Variants in GRM8 observed in about 807,000 individuals in gnomAD.
GRM8 encodes metabotropic glutamate receptor 8.
Under a neutral mutation model 87.2 loss-of-function variants are expected in GRM8, and 47 were observed. The observed-to-expected ratio is 0.54, with a 90% CI of 0.43 to 0.69. The LOEUF (loss-of-function observed/expected upper bound fraction) is 0.69, where lower values mean the gene tolerates loss of function less well. Ranked by LOEUF, GRM8 falls within the 30% of genes least tolerant of loss-of-function variation. GRM8 has a pLI of 0.00. For synonymous variants in GRM8, 396 were observed against 404.5 expected, an observed-to-expected ratio of 0.98 and a Z score of 0.25; for missense variants, 1,019 against 1,139.2, an observed-to-expected ratio of 0.89 and a Z score of 1.52.
chr7:127,097,538 C>G (rs557029439), intron 3 of GRM8, among the ~76,000 whole-genome samples: 1 of 152,284 alleles, frequency 6.6e-6, no homozygotes, highest in Admixed American at 6.5e-5. Flanking sequence ...TCCTGCACAC[C>G]AGGCAACATA....
At chr7:126,964,756 C>A (rs1046190768) in intron 3 of GRM8, among the ~76,000 whole-genome samples, 8 of 152,164 alleles carry the variant, frequency 5.3e-5, no homozygotes, top group Non-Finnish European at 1.2e-4. Context: ...TGTGGCAATT[C>A]CTCAAGGATC....
chr7:127,130,739 T>C (rs915849707), intron 2 of GRM8, among the ~76,000 whole-genome samples: 2 of 151,804 alleles, frequency 1.3e-5, no homozygotes, highest in Non-Finnish European at 2.9e-5. Context: ...TCCCCAAGAG[T>C]GAGGGAGGGA....
chr7:126,921,280 A>G (rs1330557178), intron 3 of GRM8, among the ~76,000 whole-genome samples: 2 of 152,176 alleles, frequency 1.3e-5, no homozygotes, highest in Non-Finnish European at 2.9e-5. Flanking sequence ...AAATATCTCA[A>G]TAGATAAGGT....
intron 9 of GRM8, among the ~76,000 whole-genome samples, chr7:126,482,187 T>C (rs1171200805): frequency 2.0e-5 from 3 of 152,046 alleles, no homozygotes; most frequent in African/African-American, 7.2e-5. Flanking sequence ...TTGGAATCTC[T>C]GTGCCCTGTT....
At chr7:126,597,161 G>A (rs754001551) in intron 8 of GRM8, among the ~76,000 whole-genome samples, 203 of 151,986 alleles carry the variant, frequency 1.3e-3, no homozygotes, top group Non-Finnish European at 1.0e-3. Context: ...AACATACTAC[G>A]GGGAGTTTAG....
At chr7:126,484,882 G>GTTT in intron 9 of GRM8, among the ~76,000 whole-genome samples, 2 of 146,314 alleles carry the variant, frequency 1.4e-5, no homozygotes, top group African/African-American at 5.0e-5. Context: ...AACGTTTTTT[G>GTTT]TTTTTTTTTT....
chr7:127,164,162 G>T (rs886486659), intron 2 of GRM8, among the ~76,000 whole-genome samples: 2 of 152,058 alleles, frequency 1.3e-5, no homozygotes, highest in Non-Finnish European at 2.9e-5. Context: ...TCTTGCTCCT[G>T]CTCTGGCCAT....
chr7:127,145,780 T>C (rs1278600084), intron 2 of GRM8, among the ~76,000 whole-genome samples: 1 of 152,064 alleles, frequency 6.6e-6, no homozygotes, highest in African/African-American at 2.4e-5. Context: ...GATTACTGGA[T>C]TTAGCAAAAC....
chr7:127,071,086 T>C (rs1359145291), intron 3 of GRM8, among the ~76,000 whole-genome samples: 1 of 152,136 alleles, frequency 6.6e-6, no homozygotes, highest in Non-Finnish European at 1.5e-5. Context: ...TTCCAGATCA[T>C]CCTTACTATT....
intron 7 of GRM8, among the ~76,000 whole-genome samples, chr7:126,662,141 T>TC (rs751793606): frequency 3.9e-5 from 6 of 152,228 alleles, no homozygotes; most frequent in Non-Finnish European, 8.8e-5. Flanking sequence ...TTTTATTTTC[T>TC]CCAGGGATTG....
chr7:126,599,193 C>G (rs147954278), intron 8 of GRM8, among the ~76,000 whole-genome samples: 1,841 of 152,214 alleles, frequency 0.012, 37 homozygotes, highest in African/African-American at 0.042. Flanking sequence ...ACGTGCCCCA[C>G]AGAATTTTAT....
At chr7:127,185,445 T>C (rs1430460391) in intron 2 of GRM8, among the ~76,000 whole-genome samples, 3 of 152,120 alleles carry the variant, frequency 2.0e-5, no homozygotes, top group South Asian at 2.1e-4. Context: ...ACATAGGCCT[T>C]ATACCTTTAA....
chr7:126,862,267 G>T (rs1365216574), intron 6 of GRM8, among the ~76,000 whole-genome samples: 1 of 151,478 alleles, frequency 6.6e-6, no homozygotes, highest in Non-Finnish European at 1.5e-5. Context: ...GTTTTATATG[G>T]TCAGTTTCTG....
intron 9 of GRM8, among the ~76,000 whole-genome samples, chr7:126,482,205 AT>A (rs1563055970): frequency 6.6e-6 from 1 of 152,044 alleles, no homozygotes; most frequent in African/African-American, 2.4e-5. Context: ...GTTTGTAGTA[AT>A]GTAAAATGGT....
chr7:126,464,640 G>A (rs1804283951), intron 9 of GRM8, among the ~76,000 whole-genome samples: 1 of 151,366 alleles, frequency 6.6e-6, no homozygotes, highest in Non-Finnish European at 1.5e-5. Flanking sequence ...TCTGTTGTAT[G>A]CTTTTTGATT....
chr7:126,467,586 A>G (rs956243070), intron 9 of GRM8, among the ~76,000 whole-genome samples: 4 of 151,940 alleles, frequency 2.6e-5, no homozygotes, highest in African/African-American at 9.7e-5. Flanking sequence ...ACTCTTTTAC[A>G]TCTGTATTTA....
chr7:127,201,759 T>A (rs190710303), intron 2 of GRM8, among the ~76,000 whole-genome samples: 1 of 152,254 alleles, frequency 6.6e-6, no homozygotes, highest in Non-Finnish European at 1.5e-5. Context: ...TCTCTGTGAG[T>A]ACCAATAGGG....
chr7:127,074,199 T>C (rs566758543), intron 3 of GRM8, among the ~76,000 whole-genome samples: 25 of 152,356 alleles, frequency 1.6e-4, no homozygotes, highest in African/African-American at 6.0e-4. Context: ...TAAAATAGTA[T>C]TCTGTTGATT....
chr7:126,654,179 C>T (rs2299491), intron 7 of GRM8, among the ~76,000 whole-genome samples: 46,677 of 151,996 alleles, frequency 0.31, 8,030 homozygotes, highest in East Asian at 0.43. Flanking sequence ...GGTGAGGTGA[C>T]AAGTGTGATT....
Sources: gnomAD v4.1 joint callset for allele counts (sites outside exome capture counted in the v4.1 genomes callset) on GRCh38, gnomAD v4.1.1 for gene constraint, MANE v1.5 for transcripts, NCBI Gene and HGNC (gene_info 2026-07-23, HGNC 2026-07-21) for gene names.